The following TENM3 variants were observed in gnomAD, a reference collection of about 807,000 sequenced individuals.
The protein encoded by TENM3 is teneurin transmembrane protein 3.
A neutral mutation model predicts 255.1 loss-of-function variants in TENM3; 63 were observed. The ratio of observed to expected loss-of-function variants is 0.25; its 90% CI spans 0.20 to 0.30. The LOEUF is 0.30. Among genes scored for constraint, TENM3 ranks in the 10% least tolerant of loss-of-function variants. The pLI, the probability that TENM3 is intolerant of heterozygous loss-of-function variation, is 1.00. For missense variants in TENM3, 2,929 were observed against 3,461.1 expected, an observed-to-expected ratio of 0.85 and a Z score of 3.86; for synonymous variants, 1,306 against 1,322.3, an observed-to-expected ratio of 0.99 and a Z score of 0.27.
chr4:182,544,433 C>T (rs973355269), intron 3 of TENM3, among the ~76,000 whole-genome samples: 3 of 145,244 alleles, frequency 2.1e-5, no homozygotes, highest in Non-Finnish European at 3.0e-5. Flanking sequence ...CGGGTTCAAG[C>T]GACTCTCCTA....
the TENM3 span, among the ~76,000 whole-genome samples, chr4:181,469,097 T>G: frequency 2.0e-5 from 3 of 152,184 alleles, no homozygotes; most frequent in East Asian, 5.8e-4. Flanking sequence ...TCGAGTGGCT[T>G]TATTGCAGTT....
the TENM3 span, among the ~76,000 whole-genome samples, chr4:181,783,907 C>G: frequency 8.5e-5 from 13 of 152,114 alleles, no homozygotes; most frequent in South Asian, 6.2e-4. Flanking sequence ...CACTATGTTG[C>G]CCAGGCAGGT....
At chr4:182,404,133 AT>A (rs2151043957) in intron 3 of TENM3, among the ~76,000 whole-genome samples, 1 of 152,236 alleles carries the variant, frequency 6.6e-6, no homozygotes, top group African/African-American at 2.4e-5. Context: ...ACTCCTTTTA[AT>A]TCCTGACATT....
At chr4:182,482,583 A>G (rs1170388114) in intron 3 of TENM3, among the ~76,000 whole-genome samples, 1 of 152,248 alleles carries the variant, frequency 6.6e-6, no homozygotes, top group Non-Finnish European at 1.5e-5. Flanking sequence ...TTGAAAATAA[A>G]ATGAGAAAAT....
intron 3 of TENM3, among the ~76,000 whole-genome samples, chr4:182,373,792 C>T (rs1767001533): frequency 6.6e-6 from 1 of 152,180 alleles, no homozygotes; most frequent in South Asian, 2.1e-4. Context: ...GAGCCCCCTA[C>T]TAAGGGGAAT....
the TENM3 span, among the ~76,000 whole-genome samples, chr4:181,475,366 T>C: frequency 1.3e-5 from 2 of 152,204 alleles, no homozygotes; most frequent in Admixed American, 1.3e-4. Context: ...GTTTTTTTTA[T>C]TGAGCAATTG....
intron 6 of TENM3, among the ~76,000 whole-genome samples, chr4:182,657,578 C>G (rs1753859714): frequency 6.6e-6 from 1 of 152,160 alleles, no homozygotes; most frequent in South Asian, 2.1e-4. Flanking sequence ...TCTTGGAAAA[C>G]AATAATCTCT....
At chr4:182,637,232 A>C (rs1309439756) in intron 5 of TENM3, among the ~76,000 whole-genome samples, 1 of 152,242 alleles carries the variant, frequency 6.6e-6, no homozygotes, top group Admixed American at 6.5e-5. Flanking sequence ...AGAATATACA[A>C]ATAAAGATAC....
intron 3 of TENM3, among the ~76,000 whole-genome samples, chr4:182,495,170 C>G (rs985488151): frequency 2.0e-5 from 3 of 152,290 alleles, no homozygotes; most frequent in African/African-American, 7.2e-5. Context: ...TGCGCGAGCT[C>G]TCTGATGATA....
chr4:182,742,986 T>G (rs931383699), intron 18 of TENM3, among the ~76,000 whole-genome samples, 184 bp from the exon 19 acceptor site: 1 of 152,244 alleles, frequency 6.6e-6, no homozygotes, highest in Non-Finnish European at 1.5e-5. Flanking sequence ...TCCTATGGAC[T>G]TTATCGTGTA....
chr4:182,229,401 C>A (rs1483956380), intron 1 of TENM3, among the ~76,000 whole-genome samples: 1 of 152,122 alleles, frequency 6.6e-6, no homozygotes, highest in African/African-American at 2.4e-5. Flanking sequence ...TAGCTGCAAT[C>A]TGTGGTCCCG....
At chr4:181,735,023 G>A in the TENM3 span, among the ~76,000 whole-genome samples, 2 of 152,084 alleles carry the variant, frequency 1.3e-5, no homozygotes, top group Admixed American at 1.3e-4. Context: ...AAGTATGAAT[G>A]AGGTGTGCTC....
At chr4:181,779,356 C>A in the TENM3 span, among the ~76,000 whole-genome samples, 1 of 151,636 alleles carries the variant, frequency 6.6e-6, no homozygotes, top group African/African-American at 2.4e-5. Flanking sequence ...ATCAATGTTT[C>A]CTGTTAGCCA....
intron 22 of TENM3, among the ~76,000 whole-genome samples, chr4:182,765,729 G>A (rs1763662492): frequency 6.6e-6 from 1 of 152,140 alleles, no homozygotes; most frequent in Non-Finnish European, 1.5e-5. Context: ...ATGACTGTGA[G>A]AGTCAGAGCC....
rs550028465 is a variant in TENM3 at position 182,773,766 on chromosome 4, T to C, written c.5068+119T>C. ...GTGAAAATGTAAACCTCTAGAAATATTGGTGACATAATCTACAGTGTACAT... is the reference window on the plus strand; with the variant it reads ...GTGAAAATGTAAACCTCTAGAAATACTGGTGACATAATCTACAGTGTACAT... On this transcript the variant is annotated intron_variant, in intron 23 of 27. Coordinates refer to ENST00000511685, the MANE Select transcript of TENM3 (RefSeq NM_001080477.4). 128 of 837,666 alleles carry C rather than the reference T, an allele frequency of 1.5e-4. 2 individuals are homozygous for C. The highest frequency in any genetic ancestry group is 1.3e-3 in the South Asian group (72 of 55,244). The allele number at this position is 837,666 out of a possible 1,614,324, so 51.9% of individuals were successfully genotyped here.
the TENM3 span, among the ~76,000 whole-genome samples, chr4:181,803,932 A>G: frequency 5.8e-5 from 3 of 51,648 alleles, no homozygotes; most frequent in Non-Finnish European, 9.5e-5. Context: ...GAGACTTATT[A>G]TCTCAACAAA....
In TENM3 at chr4:182,800,621, G is replaced by A; in HGVS notation, c.*270G>A. On this transcript the variant is annotated 3_prime_UTR_variant, in exon 28 of 28. Coordinates refer to ENST00000511685, the MANE Select transcript of TENM3 (RefSeq NM_001080477.4). ...GAAAAAAAAATCATCAAGGACAAAG[G>A]CCTCGACCTGTTGCGCTGGGCCGTC... The A allele has an allele frequency of 2.8e-6, 1 of 361,272 alleles. No homozygotes were observed. The allele number at this position is 361,272 out of a possible 1,614,324, so 22.4% of individuals were successfully genotyped here.
chr4:182,054,806 T>A, the TENM3 span, among the ~76,000 whole-genome samples: 1 of 151,940 alleles, frequency 6.6e-6, no homozygotes, highest in African/African-American at 2.4e-5. Context: ...AAATAAAAAT[T>A]TTTTAATTAA....
At chr4:182,045,980 C>T in the TENM3 span, among the ~76,000 whole-genome samples, 2 of 151,810 alleles carry the variant, frequency 1.3e-5, no homozygotes, top group East Asian at 2.0e-4. Context: ...CCCAGGAGGT[C>T]GAGGTCACAG....
Sources: gnomAD v4.1 joint callset for allele counts (sites outside exome capture counted in the v4.1 genomes callset) on GRCh38, gnomAD v4.1.1 for gene constraint, MANE v1.5 for transcripts, NCBI Gene and HGNC (gene_info 2026-07-23, HGNC 2026-07-21) for gene names.